FYCO1: variants seen among roughly 807,000 people sequenced by gnomAD.
The protein encoded by FYCO1 is FYVE and coiled-coil domain autophagy adaptor 1.
A neutral mutation model predicts 165.1 loss-of-function variants in FYCO1; 122 were observed. The observed-to-expected ratio is 0.74, with a 90% confidence interval of 0.64 to 0.86. The LOEUF (loss-of-function observed/expected upper bound fraction) is 0.86, where lower values mean the gene tolerates loss of function less well. Ranked by LOEUF, FYCO1 falls within the 40% of genes least tolerant of loss-of-function variation. FYCO1 has a pLI of 0.00. For synonymous variants in FYCO1, 648 were observed against 742.5 expected, an observed-to-expected ratio of 0.87 and a Z score of 2.07; for missense variants, 1,702 against 1,810.3, an observed-to-expected ratio of 0.94 and a Z score of 1.09.
intron 11 of FYCO1, 104 bp from the exon 12 acceptor site, chr3:45,959,646 GA>G: frequency 8.0e-7 from 1 of 1,256,530 alleles, no homozygotes; most frequent in South Asian, 1.3e-5. Flanking sequence ...CTAAGTCATA[GA>G]AAGAAAATTC....
At chr3:45,974,037 T>C (rs148514500) in intron 5 of FYCO1, among the ~76,000 whole-genome samples, 113 of 151,850 alleles carry the variant, frequency 7.4e-4, no homozygotes, top group African/African-American at 2.6e-3. Flanking sequence ...CTCCAGCCTG[T>C]GTGACAGGTT....
Position 45,931,053 on chromosome 3 carries a change from C to T in FYCO1, c.4251+18G>A. The T allele has an allele frequency of 1.9e-6, 3 of 1,611,228 alleles. No homozygotes were observed. The highest frequency in any genetic ancestry group is 2.5e-6 in the Non-Finnish European group (3 of 1,178,794). On this transcript the variant is annotated intron_variant, in intron 16 of 17. Transcript: ENST00000296137. The stretch of plus-strand genomic sequence containing the variant: ...GATGTGTGTGTAAGGAGCCCACAGG[C>T]AGGGAGCCCAGCCTTACCTTACACT...
chr3:45,920,470 C>T lies in FYCO1; in HGVS notation c.*1295G>A, dbSNP rs1316400741. The T allele has an allele frequency of 6.6e-6, 1 of 152,288 alleles. No individual in the cohort carries two copies. The highest frequency in any genetic ancestry group is 2.4e-5 in the African/African-American group (1 of 41,450). 9.4% of individuals were successfully genotyped at this position (152,288 alleles called of 1,614,324 possible). A position where few individuals can be genotyped will look rare whatever the true frequency, so the allele number is the denominator to read the frequency against. ...ACCCATGGAAGAACCTGGGGCCTGA[C>T]TGCAGGCAGCTGGTTCCATGAACAA... On this transcript the variant is annotated 3_prime_UTR_variant, in exon 18 of 18. Coordinates refer to ENST00000296137, the MANE Select transcript of FYCO1 (RefSeq NM_024513.4).
At chr3:45,994,291 G>A (rs1347004552) in intron 1 of FYCO1, among the ~76,000 whole-genome samples, 1 of 151,730 alleles carries the variant, frequency 6.6e-6, no homozygotes, top group Non-Finnish European at 1.5e-5. Flanking sequence ...TCCTTTCAGT[G>A]ATTCTGTATG....
intron 14 of FYCO1, among the ~76,000 whole-genome samples, chr3:45,944,675 T>A (rs967010345): frequency 2.0e-5 from 3 of 152,232 alleles, no homozygotes; most frequent in Admixed American, 2.0e-4. Flanking sequence ...CCAATTATTA[T>A]ACATCAAAGT....
At chr3:45,970,151 T>C (rs959677763) in intron 6 of FYCO1, among the ~76,000 whole-genome samples, 8 of 152,208 alleles carry the variant, frequency 5.3e-5, no homozygotes, top group Non-Finnish European at 1.2e-4. Context: ...CCGCTCTGTA[T>C]GACACAGCAA....
At chr3:45,992,217 C>G (rs1681199841) in intron 1 of FYCO1, among the ~76,000 whole-genome samples, 1 of 152,154 alleles carries the variant, frequency 6.6e-6, no homozygotes, top group Non-Finnish European at 1.5e-5. Context: ...GCATGTGACA[C>G]CATCAACAAG....
intron 11 of FYCO1, among the ~76,000 whole-genome samples, chr3:45,961,937 C>A (rs1170036002): frequency 6.6e-6 from 1 of 152,212 alleles, no homozygotes; most frequent in East Asian, 1.9e-4. Context: ...TCTGGCAGTT[C>A]TAGGCCAAGA....
At chr3:45,929,156 C>T (rs1043976991) in intron 16 of FYCO1, among the ~76,000 whole-genome samples, 2 of 152,240 alleles carry the variant, frequency 1.3e-5, no homozygotes, top group Non-Finnish European at 2.9e-5. Context: ...GAGATAACAG[C>T]CACCCCCATC....
intron 4 of FYCO1, among the ~76,000 whole-genome samples, chr3:45,977,518 C>T (rs1472765681): frequency 6.6e-6 from 1 of 151,122 alleles, no homozygotes; most frequent in Non-Finnish European, 1.5e-5. Context: ...ATTATGGATC[C>T]ACTTTCATTA....
rs1437035557 is a variant in FYCO1, at chr3:45,968,207, T to C, written c.1127A>G (p.Gln376Arg). ...ASFPGWLAMA[Q>R]QKADTASDTK... Reference sequence around the variant, plus strand: ...GTCTGATGCCGTATCTGCCTTCTGCTGAGCCATGGCTAGCCAGCCTGGGAA... The same window carrying C: ...GTCTGATGCCGTATCTGCCTTCTGCCGAGCCATGGCTAGCCAGCCTGGGAA... The change falls in exon 8 of 18, where the codon CAG becomes CGG. Residue 376 changes from glutamine (Q) to arginine (R), a missense_variant. Coordinates refer to ENST00000296137, the MANE Select transcript of FYCO1 (RefSeq NM_024513.4). 1.2e-6 allele frequency: 2 copies of C among 1,614,062 alleles called. No homozygotes were observed. The highest frequency in any genetic ancestry group is 1.7e-6 in the Non-Finnish European group (2 of 1,180,040).
chr3:45,987,774 G>A (rs1023486459), intron 1 of FYCO1, among the ~76,000 whole-genome samples: 1 of 152,214 alleles, frequency 6.6e-6, no homozygotes, highest in African/African-American at 2.4e-5. Flanking sequence ...AACAGATCCT[G>A]AGTAACTCAT....
chr3:45,965,028 C>T lies in FYCO1; in HGVS notation c.3150+5G>A. 3 of 1,613,436 alleles carry T rather than the reference C, an allele frequency of 1.9e-6. No homozygotes were observed. Among genetic ancestry groups the T allele is most frequent in the Non-Finnish European group, 2.5e-6 (3 of 1,179,372 alleles). Reference sequence around the variant, plus strand: ...CCCTGACAGGTCTACACTACCAGGGCCTACCTTCAGCTTCTCCACAGCTTC... The same window carrying T: ...CCCTGACAGGTCTACACTACCAGGGTCTACCTTCAGCTTCTCCACAGCTTC... On this transcript the variant is annotated splice_donor_5th_base_variant and intron_variant, in intron 9 of 17. Transcript: ENST00000296137.
Position 45,973,140 on chromosome 3 carries a change from C to A in FYCO1, c.487G>T (p.Asp163Tyr). ...QLYELTEVQF[D>Y]LASRGFDLDA... Reference sequence around the variant, plus strand: ...AAGTCAAAGCCCCTCGACGCCAGGTCAAACTGAACCTCAGTCAGCTCATAG... The same window carrying A: ...AAGTCAAAGCCCCTCGACGCCAGGTAAAACTGAACCTCAGTCAGCTCATAG... The change falls in exon 6 of 18, where the codon GAC (aspartate) becomes TAC (tyrosine). Residue 163 changes from aspartate (D) to tyrosine (Y), a missense_variant. Coordinates refer to ENST00000296137, the MANE Select transcript of FYCO1 (RefSeq NM_024513.4). 6.2e-7 allele frequency: 1 copy of A among 1,614,234 alleles called. No homozygotes were observed. The highest frequency in any genetic ancestry group is 1.1e-5 in the South Asian group (1 of 91,082).
At chr3:45,988,169 C>A (rs115449416) in intron 1 of FYCO1, among the ~76,000 whole-genome samples, 585 of 152,332 alleles carry the variant, frequency 3.8e-3, no homozygotes, top group African/African-American at 0.013. Context: ...CCCACTCTGG[C>A]TCTGGGTCAT....
chr3:45,952,196 C>T (rs536189176), intron 14 of FYCO1, among the ~76,000 whole-genome samples: 1 of 152,350 alleles, frequency 6.6e-6, no homozygotes, highest in South Asian at 2.1e-4. Context: ...AACAGCATCA[C>T]TTTCAACAAC....
At chr3:45,947,009 C>T in intron 14 of FYCO1, 4 of 1,614,250 alleles carry the variant, frequency 2.5e-6, no homozygotes, top group South Asian at 2.2e-5. Context: ...TTAATCTCGA[C>T]AAGCTCATAT....
In FYCO1 at chr3:45,938,268, G is replaced by A. The variant is rs1054238273; in HGVS notation, c.3945-1725C>T. On this transcript the variant is annotated intron_variant, in intron 14 of 17. Transcript: ENST00000296137. Reference sequence around the variant, plus strand: ...CCCGACAGACGCCCTGCATGAGTGAGGTAGGAATGGGATAGGTGGGTGATG... The same window carrying A: ...CCCGACAGACGCCCTGCATGAGTGAAGTAGGAATGGGATAGGTGGGTGATG... 19 of 1,285,940 alleles carry A rather than the reference G, an allele frequency of 1.5e-5. 1 individual carries two copies. Among genetic ancestry groups the A allele is most frequent in the Non-Finnish European group, 1.8e-5 (18 of 985,860 alleles). The allele number at this position is 1,285,940 out of a possible 1,614,324, so 79.7% of individuals were successfully genotyped here.
chr3:45,960,843 GA>G (rs1188085438), intron 11 of FYCO1, among the ~76,000 whole-genome samples: 7 of 152,048 alleles, frequency 4.6e-5, no homozygotes, highest in African/African-American at 1.7e-4. Context: ...GCTGCCAGTA[GA>G]ATGATGGTTC....
Sources: gnomAD v4.1 joint callset for allele counts (sites outside exome capture counted in the v4.1 genomes callset) on GRCh38, gnomAD v4.1.1 for gene constraint, MANE v1.5 for transcripts, NCBI Gene and HGNC (gene_info 2026-07-23, HGNC 2026-07-21) for gene names.